The following TGFBR2 variants were observed in gnomAD, a reference collection of about 807,000 sequenced individuals.
TGFBR2 encodes TGF-beta receptor type-2.
Under a neutral mutation model 49.0 loss-of-function variants are expected in TGFBR2, and 18 were observed. The observed-to-expected ratio is 0.37, with a 90% CI of 0.25 to 0.54. The LOEUF (loss-of-function observed/expected upper bound fraction) is 0.54. TGFBR2 is among the 20% of genes least tolerant of loss of function. The pLI, the probability that TGFBR2 is intolerant of heterozygous loss-of-function variation, is 0.85. For synonymous variants in TGFBR2, 282 were observed against 275.9 expected, an observed-to-expected ratio of 1.02 and a Z score of -0.22; for missense variants, 525 against 722.6, an observed-to-expected ratio of 0.73 and a Z score of 3.13.
intron 1 of TGFBR2, among the ~76,000 whole-genome samples, chr3:30,638,533 A>G (rs952600689): frequency 2.0e-5 from 3 of 152,186 alleles, no homozygotes; most frequent in Non-Finnish European, 2.9e-5. Context: ...TCTTCTCTCA[A>G]GGTATAATTA....
At position 30,655,696 on chromosome 3, in the gene TGFBR2, G is replaced by A. The variant is rs78140988; in HGVS notation, c.454+5236G>A. Among the ~76,000 whole-genome samples, 38 of 152,312 alleles carry A rather than the reference G, an allele frequency of 2.5e-4. No individual in the cohort carries two copies. The East Asian group carries it at 7.1e-3, about 29-fold the overall frequency. On this transcript the variant is annotated intron_variant, in intron 3 of 6. Transcript: ENST00000295754. Reference sequence around the variant, plus strand: ...CACAAGGCCTTCTCTTTGAATGACTGCGCCATTATTGGCCAAGTAGTGCTG... The same window carrying A: ...CACAAGGCCTTCTCTTTGAATGACTACGCCATTATTGGCCAAGTAGTGCTG...
At chr3:30,642,057 C>T (rs546283910) in intron 1 of TGFBR2, among the ~76,000 whole-genome samples, 1 of 152,280 alleles carries the variant, frequency 6.6e-6, no homozygotes, top group Admixed American at 6.5e-5. Context: ...GCCACCACTG[C>T]TCCCAGCACC....
intron 1 of TGFBR2, among the ~76,000 whole-genome samples, chr3:30,619,842 C>T (rs1013080459): frequency 1.3e-5 from 2 of 152,160 alleles, no homozygotes; most frequent in Admixed American, 6.5e-5. Context: ...CTTGCATTCT[C>T]ATTCATATGA....
intron 3 of TGFBR2, among the ~76,000 whole-genome samples, chr3:30,659,252 G>A (rs957644129): frequency 3.3e-5 from 5 of 152,166 alleles, no homozygotes; most frequent in South Asian, 2.1e-4. Context: ...TGGAAATATG[G>A]TTGAGAAAAG....
At chr3:30,649,235 G>T (rs1048074398) in intron 2 of TGFBR2, among the ~76,000 whole-genome samples, 1 of 152,168 alleles carries the variant, frequency 6.6e-6, no homozygotes, top group Non-Finnish European at 1.5e-5. Context: ...GGACAGAGGT[G>T]AAAGGGTGGA....
chr3:30,621,949 T>G (rs1698239387), intron 1 of TGFBR2, among the ~76,000 whole-genome samples: 1 of 152,222 alleles, frequency 6.6e-6, no homozygotes, highest in Admixed American at 6.5e-5. Flanking sequence ...AAGGTATAAC[T>G]TATTTCATAT....
At chr3:30,637,932 T>A (rs1249566088) in intron 1 of TGFBR2, among the ~76,000 whole-genome samples, 1 of 152,258 alleles carries the variant, frequency 6.6e-6, no homozygotes, top group Non-Finnish European at 1.5e-5. Context: ...TGAGATGTTA[T>A]ACCTGTTTAC....
intron 2 of TGFBR2, among the ~76,000 whole-genome samples, 178 bp from the exon 3 acceptor site, chr3:30,650,092 A>G (rs1698850303): frequency 6.6e-6 from 1 of 152,232 alleles, no homozygotes; most frequent in Non-Finnish European, 1.5e-5. Flanking sequence ...AGAAAAGCAT[A>G]GGAGACTATA....
chr3:30,663,543 A>G (rs1170982717), intron 3 of TGFBR2, among the ~76,000 whole-genome samples: 1 of 152,240 alleles, frequency 6.6e-6, no homozygotes, highest in Non-Finnish European at 1.5e-5. Flanking sequence ...GCAAAAAAGC[A>G]AGGTTTGCCA....
At chr3:30,652,472 G>A (rs1313353789) in intron 3 of TGFBR2, among the ~76,000 whole-genome samples, 1 of 152,060 alleles carries the variant, frequency 6.6e-6, no homozygotes, top group Admixed American at 6.5e-5. Flanking sequence ...GACCTCAGGT[G>A]AATAACCTGC....
At chr3:30,640,160 A>T (rs181570678) in intron 1 of TGFBR2, among the ~76,000 whole-genome samples, 1 of 152,220 alleles carries the variant, frequency 6.6e-6, no homozygotes, top group African/African-American at 2.4e-5. Context: ...GATATTACTC[A>T]TGGGCTTATT....
intron 1 of TGFBR2, among the ~76,000 whole-genome samples, chr3:30,616,959 C>T (rs1221015066): frequency 6.6e-6 from 1 of 152,016 alleles, no homozygotes; most frequent in African/African-American, 2.4e-5. Flanking sequence ...ATGGTATTTT[C>T]ATTCTCCCCT....
intron 1 of TGFBR2, 72 bp from the exon 2 acceptor site, chr3:30,644,675 C>G: frequency 7.0e-7 from 1 of 1,428,392 alleles, no homozygotes; most frequent in Non-Finnish European, 9.8e-7. Context: ...AATTGCATAA[C>G]ATCTTCAGGA....
At chr3:30,623,352 T>A in intron 1 of TGFBR2, 2 of 1,537,802 alleles carry the variant, frequency 1.3e-6, no homozygotes, top group Non-Finnish European at 1.8e-6. Flanking sequence ...TGTAAGTAAA[T>A]CTAAGATAAA....
chr3:30,645,248 G>A (rs1155708), intron 2 of TGFBR2, among the ~76,000 whole-genome samples: 52,843 of 151,694 alleles, frequency 0.35, 9,592 homozygotes, highest in East Asian at 0.69. Context: ...TCATTTAACC[G>A]ACACCTCCTC....
At chr3:30,689,741 G>A (rs1449490645) in intron 6 of TGFBR2, among the ~76,000 whole-genome samples, 1 of 152,170 alleles carries the variant, frequency 6.6e-6, no homozygotes, top group African/African-American at 2.4e-5. Context: ...GGAGTGTTAT[G>A]TTTCTTTCAA....
In TGFBR2 at chr3:30,666,649, C is replaced by T. The variant is rs970757027; in HGVS notation, c.455-4989C>T. Among the ~76,000 whole-genome samples the T allele has an allele frequency of 1.9e-3, 265 of 142,174 alleles. 6 individuals are homozygous for T. Among genetic ancestry groups the T allele is most frequent in the Admixed American group, 0.015 (213 of 14,030 alleles). 93.3% of individuals were successfully genotyped at this position (142,174 alleles called of 152,430 possible). Reference sequence around the variant, plus strand: ...CAACCCCTACCCCCCCATCCCCGCCCGCACAAACACAGGGTCTTGCTCTGT... The same window carrying T: ...CAACCCCTACCCCCCCATCCCCGCCTGCACAAACACAGGGTCTTGCTCTGT... On this transcript the variant is annotated intron_variant, in intron 3 of 6. Coordinates refer to ENST00000295754, the MANE Select transcript of TGFBR2 (RefSeq NM_003242.6).
chr3:30,638,680 A>G (rs556176562), intron 1 of TGFBR2, among the ~76,000 whole-genome samples: 2 of 152,340 alleles, frequency 1.3e-5, no homozygotes, highest in East Asian at 3.9e-4. Flanking sequence ...GTTTAATCAC[A>G]AGGTGTTTGT....
intron 2 of TGFBR2, among the ~76,000 whole-genome samples, chr3:30,648,802 C>T (rs1698824844): frequency 6.6e-6 from 1 of 152,194 alleles, no homozygotes; most frequent in African/African-American, 2.4e-5. Context: ...GATGTTGACA[C>T]TGGCACCATT....
Sources: allele counts gnomAD v4.1 joint callset (sites outside exome capture counted in the v4.1 genomes callset), GRCh38; gene constraint gnomAD v4.1.1; transcripts MANE v1.5; gene names NCBI Gene and HGNC (gene_info 2026-07-23, HGNC 2026-07-21).